Variants in GAP43 observed in about 807,000 individuals in gnomAD.
GAP43 encodes the protein neuromodulin.
GAP43 carries 6 observed loss-of-function variants against 18.6 expected under a neutral mutation model. The ratio of observed to expected loss-of-function variants is 0.32; its 90% CI spans 0.18 to 0.64. The LOEUF is 0.64. GAP43 is among the 30% of genes least tolerant of loss of function. The probability of loss-of-function intolerance (pLI) is 0.78; values close to 1 mark genes in which losing one functional copy is unlikely to be tolerated. For synonymous variants in GAP43, 115 were observed against 111.4 expected (o/e 1.03, Z -0.20); for missense variants, 292 against 295.5 (o/e 0.99, Z 0.09).
intron 2 of GAP43, among the ~76,000 whole-genome samples, chr3:115,690,208 T>C (rs112013749): frequency 1.1e-4 from 16 of 152,100 alleles, no homozygotes; most frequent in African/African-American, 3.6e-4. Flanking sequence ...ACAGCTCCCC[T>C]AGGAGAGACC....
At chr3:115,685,328 C>A (rs571681780) in intron 2 of GAP43, among the ~76,000 whole-genome samples, 4 of 152,198 alleles carry the variant, frequency 2.6e-5, no homozygotes, top group Non-Finnish European at 5.9e-5. Flanking sequence ...GTGGCCCTTG[C>A]TAGTGTGTGA....
chr3:115,655,317 A>T (rs968035264), intron 1 of GAP43, among the ~76,000 whole-genome samples: 2 of 152,242 alleles, frequency 1.3e-5, no homozygotes, highest in Non-Finnish European at 2.9e-5. Context: ...TACCTTGGAC[A>T]CAAGAATTAG....
At chr3:115,685,798 C>T (rs893963195) in intron 2 of GAP43, among the ~76,000 whole-genome samples, 10 of 152,276 alleles carry the variant, frequency 6.6e-5, no homozygotes, top group East Asian at 5.8e-4. Flanking sequence ...GGAAAACCAG[C>T]GGTGGAAGAT....
chr3:115,675,157 G>A (rs904191174), intron 1 of GAP43, among the ~76,000 whole-genome samples: 1 of 152,060 alleles, frequency 6.6e-6, no homozygotes, highest in Non-Finnish European at 1.5e-5. Flanking sequence ...CTGCAGCCTC[G>A]ACCTCGCAGG....
Position 115,661,831 on chromosome 3 carries a change from C to CTTTTTTTT in GAP43, c.31-14175_31-14168dup, listed in dbSNP as rs56209932. ...AGTTTGGCTTGGGGAGAAACTAGGG[C>CTTTTTTTT]TTTTTTTTTTTTTTACCTGGGAGCT... On this transcript the variant is annotated intron_variant, in intron 1 of 2. Coordinates refer to ENST00000305124, the MANE Select transcript of GAP43 (RefSeq NM_002045.4). 1.5e-4 allele frequency among the ~76,000 whole-genome samples: 16 copies of CTTTTTTTT among 105,968 alleles called. 2 individuals carry two copies. Among genetic ancestry groups the CTTTTTTTT allele is most frequent in the Admixed American group, 2.4e-4 (2 of 8,482 alleles). 69.5% of individuals were successfully genotyped at this position (105,968 alleles called of 152,430 possible).
chr3:115,639,160 C>G (rs529774758), intron 1 of GAP43, among the ~76,000 whole-genome samples: 2 of 152,260 alleles, frequency 1.3e-5, no homozygotes, highest in East Asian at 1.9e-4. Context: ...GTCATGGAAA[C>G]TGTTCACTTC....
chr3:115,641,078 T>A (rs1295446242), intron 1 of GAP43, among the ~76,000 whole-genome samples: 1 of 147,574 alleles, frequency 6.8e-6, no homozygotes, highest in South Asian at 2.3e-4. Context: ...TTGCCCAGAC[T>A]GGTCTCGAGC....
chr3:115,640,211 G>A (rs1220402578), intron 1 of GAP43, among the ~76,000 whole-genome samples: 1 of 152,026 alleles, frequency 6.6e-6, no homozygotes, highest in Non-Finnish European at 1.5e-5. Flanking sequence ...GAAAGATGAA[G>A]TACACTTTAG....
intron 1 of GAP43, among the ~76,000 whole-genome samples, chr3:115,637,908 A>G (rs1260239288): frequency 2.0e-5 from 3 of 152,056 alleles, no homozygotes; most frequent in East Asian, 3.9e-4. Context: ...TCTGGTTTCT[A>G]TAAGTAAAAA....
intron 1 of GAP43, among the ~76,000 whole-genome samples, chr3:115,625,053 G>C (rs923562353): frequency 5.3e-5 from 8 of 151,954 alleles, no homozygotes; most frequent in Non-Finnish European, 8.8e-5. Flanking sequence ...ATCCGAAGGG[G>C]GTGGAAGAGA....
intron 2 of GAP43, among the ~76,000 whole-genome samples, chr3:115,701,646 G>A (rs1187322505): frequency 1.3e-5 from 2 of 152,052 alleles, no homozygotes; most frequent in African/African-American, 4.8e-5. Context: ...TTGGCTGACA[G>A]ATTTCCCCAA....
At chr3:115,716,056 A>G (rs1709498326) in intron 2 of GAP43, among the ~76,000 whole-genome samples, 1 of 152,236 alleles carries the variant, frequency 6.6e-6, no homozygotes, top group Admixed American at 6.5e-5. Flanking sequence ...CTGAGCACAT[A>G]GTAAGAGCTC....
chr3:115,674,099 G>A (rs1708848748), intron 1 of GAP43, among the ~76,000 whole-genome samples: 1 of 152,180 alleles, frequency 6.6e-6, no homozygotes, highest in Admixed American at 6.5e-5. Context: ...TGGAAAACTT[G>A]TCCTGAGTAG....
chr3:115,661,345 A>C (rs1559794451), intron 1 of GAP43: 1 of 152,128 alleles, frequency 6.6e-6, no homozygotes, highest in Non-Finnish European at 1.5e-5. Flanking sequence ...GCAGCATCTG[A>C]GTTGAGCAAG....
intron 2 of GAP43, among the ~76,000 whole-genome samples, chr3:115,688,237 T>C (rs575525167): frequency 2.0e-5 from 3 of 152,232 alleles, no homozygotes; most frequent in Non-Finnish European, 2.9e-5. Flanking sequence ...TCACCAGGTC[T>C]CAAGCTCCTG....
chr3:115,716,716 A>AT (rs1709507733), intron 2 of GAP43, among the ~76,000 whole-genome samples: 1 of 31,264 alleles, frequency 3.2e-5, no homozygotes, highest in Non-Finnish European at 6.4e-5. Flanking sequence ...AATCTCAGAC[A>AT]AATATATATA....
chr3:115,652,356 CTTTTTTTTTTTTTTT>C (rs71141831), intron 1 of GAP43, among the ~76,000 whole-genome samples: 1,027 of 43,878 alleles, frequency 0.023, 35 homozygotes, highest in African/African-American at 0.078. Context: ...ATCCAGCATT[CTTTTTTTTTTTTTTT>C]TTTTTTTTTT....
At chr3:115,629,078 C>A (rs1000044539) in intron 1 of GAP43, among the ~76,000 whole-genome samples, 1 of 152,150 alleles carries the variant, frequency 6.6e-6, no homozygotes, top group Non-Finnish European at 1.5e-5. Context: ...TATTTTATTT[C>A]AACTCCCATA....
intron 1 of GAP43, among the ~76,000 whole-genome samples, chr3:115,627,260 C>G (rs1438584195): frequency 1.3e-5 from 2 of 151,106 alleles, no homozygotes; most frequent in African/African-American, 4.9e-5. Flanking sequence ...GGCGCATACA[C>G]AATGAGCCCT....
Sources: gnomAD v4.1 joint callset for allele counts (sites outside exome capture counted in the v4.1 genomes callset) on GRCh38, gnomAD v4.1.1 for gene constraint, MANE v1.5 for transcripts, NCBI Gene and HGNC (gene_info 2026-07-23, HGNC 2026-07-21) for gene names.